The following LRFN5 variants were observed in gnomAD, a reference collection of about 807,000 sequenced individuals.
LRFN5 encodes the protein leucine rich repeat and fibronectin type III domain containing 5, also known as leucine-rich repeat and fibronectin type-III domain-containing protein 5.
In LRFN5, 24 loss-of-function variants were observed where a neutral mutation model predicts 45.6. The ratio of observed to expected loss-of-function variants is 0.53; its 90% CI spans 0.38 to 0.74. The LOEUF is 0.74. Ranked by LOEUF, LRFN5 falls within the 30% of genes least tolerant of loss-of-function variation. The pLI is 0.00. For synonymous variants in LRFN5, 340 were observed against 313.8 expected, an observed-to-expected ratio of 1.08 and a Z score of -0.88; for missense variants, 776 against 861.5, an observed-to-expected ratio of 0.90 and a Z score of 1.24.
intron 3 of LRFN5, 105 bp downstream of exon 3, chr14:41,888,115 A>G (rs1890645837): frequency 1.8e-5 from 16 of 866,212 alleles, no homozygotes; most frequent in Non-Finnish European, 2.6e-5. Context: ...CTGTGTTGTA[A>G]TTCCATATTT....
chr14:41,681,102 A>T (rs974818787), intron 1 of LRFN5, among the ~76,000 whole-genome samples: 13 of 152,132 alleles, frequency 8.5e-5, no homozygotes, highest in African/African-American at 3.1e-4. Context: ...AATTAAAAAA[A>T]TGAAGCACAC....
chr14:41,774,395 G>A (rs1566663702), intron 2 of LRFN5, among the ~76,000 whole-genome samples: 2 of 152,072 alleles, frequency 1.3e-5, no homozygotes, highest in Non-Finnish European at 2.9e-5. Flanking sequence ...ACAGAATATA[G>A]GAGCCTTTAC....
rs188786015 is a variant in LRFN5, at chr14:41,716,309, G to C, written c.-196-50545G>C. Among the ~76,000 whole-genome samples the C allele has an allele frequency of 1.8e-3, 271 of 152,202 alleles. 1 individual carries two copies. Among genetic ancestry groups the C allele is most frequent in the African/African-American group, 5.2e-3 (216 of 41,534 alleles). On this transcript the variant is annotated intron_variant, in intron 1 of 5. Transcript: ENST00000298119. ...TATACAAATTTCTGCGGCCAGCTTG[G>C]ATTTCTCCTCAGAAAATGATATTTT...
intron 1 of LRFN5, among the ~76,000 whole-genome samples, chr14:41,679,449 C>T (rs1881786860): frequency 6.6e-6 from 1 of 152,050 alleles, no homozygotes; most frequent in Non-Finnish European, 1.5e-5. Flanking sequence ...AGGCAGAGTC[C>T]TGAGACCCCT....
intron 1 of LRFN5, among the ~76,000 whole-genome samples, chr14:41,680,229 C>T (rs1013496556): frequency 5.3e-5 from 8 of 152,192 alleles, no homozygotes; most frequent in Non-Finnish European, 1.0e-4. Flanking sequence ...AGATGGCTTT[C>T]CCACTTGCTG....
chr14:41,790,796 T>TGAG (rs71284787), intron 2 of LRFN5, among the ~76,000 whole-genome samples: 2 of 151,546 alleles, frequency 1.3e-5, no homozygotes, highest in Non-Finnish European at 3.0e-5. Flanking sequence ...TGAAATATGT[T>TGAG]AAGACAATGC....
Position 41,810,456 on chromosome 14 carries a change from T to A in LRFN5, c.-21+43427T>A, listed in dbSNP as rs575146213. On this transcript the variant is annotated intron_variant, in intron 2 of 5. Coordinates refer to ENST00000298119, the MANE Select transcript of LRFN5 (RefSeq NM_152447.5). ...CTTGCTAGTAATTTTGGGCTTATCA[T>A]CCATAGTAAAATCAGAATTACCCTC... is the stretch of plus-strand genomic sequence containing the variant. Among the ~76,000 whole-genome samples the A allele has an allele frequency of 9.8e-4, 149 of 152,148 alleles. 3 individuals are homozygous for A. Among genetic ancestry groups the A allele is most frequent in the African/African-American group, 3.2e-3 (135 of 41,550 alleles).
At chr14:41,822,019 A>C (rs576095288) in intron 2 of LRFN5, among the ~76,000 whole-genome samples, 1 of 151,242 alleles carries the variant, frequency 6.6e-6, no homozygotes, top group Admixed American at 6.6e-5. Flanking sequence ...TTGTTTTTCA[A>C]CTTTGATTGT....
chr14:41,649,426 A>T (rs989536511), intron 1 of LRFN5, among the ~76,000 whole-genome samples: 4 of 152,188 alleles, frequency 2.6e-5, no homozygotes, highest in Admixed American at 2.6e-4. Flanking sequence ...CAAATATTTA[A>T]TATTTAGCTG....
chr14:41,621,656 A>G lies in LRFN5; in HGVS notation c.-197+13094A>G, dbSNP rs575618048. Among the ~76,000 whole-genome samples, 85 of 152,250 alleles carry G rather than the reference A, an allele frequency of 5.6e-4. 2 individuals carry two copies. In the South Asian group the frequency reaches 0.017, roughly 31 times the overall value. ...AATTAAGGCTGGAAAATAGGGTTGT[A>G]TCACTTAGAACTCATTTAGCAGGAT... On this transcript the variant is annotated intron_variant, in intron 1 of 5. Transcript: ENST00000298119.
intron 1 of LRFN5, among the ~76,000 whole-genome samples, chr14:41,735,090 TTC>T (rs1315161288): frequency 1.3e-5 from 2 of 152,178 alleles, no homozygotes; most frequent in Non-Finnish European, 2.9e-5. Context: ...CATAAAAATA[TTC>T]TGAGTTTTAC....
At position 41,608,485 on chromosome 14, in the gene LRFN5, ACCTGGAGCCACCTTG is replaced by A. The variant is rs1887594981; in HGVS notation, c.-271_-257del. The A allele has an allele frequency of 6.5e-6, 1 of 152,698 alleles. No individual in the cohort carries two copies. The highest frequency in any genetic ancestry group is 2.4e-5 in the African/African-American group (1 of 41,454). The allele number at this position is 152,698 out of a possible 1,614,324, so 9.5% of individuals were successfully genotyped here. A position where few individuals can be genotyped will look rare whatever the true frequency, so the allele number is the denominator to read the frequency against. On this transcript the variant is annotated 5_prime_UTR_variant, in exon 1 of 6. Transcript: ENST00000298119. ...AGACCCGCGTACGACTGTGAAAGCC[ACCTGGAGCCACCTTG>A]CCGGGATTGTACCTGCAGGCAGAAA...
intron 1 of LRFN5, among the ~76,000 whole-genome samples, chr14:41,657,683 A>G (rs1171169933): frequency 2.6e-5 from 4 of 152,008 alleles, no homozygotes; most frequent in Non-Finnish European, 2.9e-5. Flanking sequence ...TTGTGATGAT[A>G]TAATAAAACC....
intron 1 of LRFN5, among the ~76,000 whole-genome samples, chr14:41,761,288 A>C (rs1885652822): frequency 6.6e-6 from 1 of 150,776 alleles, no homozygotes; most frequent in Non-Finnish European, 1.5e-5. Context: ...GAGAGGAAGG[A>C]AGGAAAGGAG....
At chr14:41,750,423 A>C (rs1885083856) in intron 1 of LRFN5, among the ~76,000 whole-genome samples, 3 of 151,658 alleles carry the variant, frequency 2.0e-5, no homozygotes, top group Admixed American at 2.0e-4. Context: ...CCTGTGCAAG[A>C]GACATCATCT....
chr14:41,878,614 G>A (rs558049236), intron 2 of LRFN5, among the ~76,000 whole-genome samples: 12 of 152,134 alleles, frequency 7.9e-5, no homozygotes, highest in South Asian at 2.1e-4. Context: ...AAAGAGATAC[G>A]TAAATATTAT....
At chr14:41,647,302 C>T (rs1193713702) in intron 1 of LRFN5, among the ~76,000 whole-genome samples, 1 of 152,088 alleles carries the variant, frequency 6.6e-6, no homozygotes, top group African/African-American at 2.4e-5. Context: ...ATAATGAAGA[C>T]CCAGCCTCAG....
At chr14:41,827,271 A>G (rs544842643) in intron 2 of LRFN5, among the ~76,000 whole-genome samples, 55 of 152,222 alleles carry the variant, frequency 3.6e-4, no homozygotes, top group African/African-American at 1.2e-3. Context: ...AAGCATAGCT[A>G]TTAAAATGTA....
intron 2 of LRFN5, among the ~76,000 whole-genome samples, chr14:41,817,526 T>G (rs750886238): frequency 6.6e-6 from 1 of 152,102 alleles, no homozygotes; most frequent in Non-Finnish European, 1.5e-5. Context: ...CTTCTGCCAC[T>G]CTATAAGACA....
Sources: gnomAD v4.1 joint callset for allele counts (sites outside exome capture counted in the v4.1 genomes callset) on GRCh38, gnomAD v4.1.1 for gene constraint, MANE v1.5 for transcripts, NCBI Gene and HGNC (gene_info 2026-07-23, HGNC 2026-07-21) for gene names.